Variants in DCC observed in about 807,000 individuals in gnomAD.
The protein encoded by DCC is DCC netrin 1 receptor.
In DCC, 58 loss-of-function variants were observed where a neutral mutation model predicts 172.5. The ratio of observed to expected loss-of-function variants is 0.34; its 90% confidence interval spans 0.27 to 0.42. DCC has a LOEUF of 0.42. DCC is among the 10% of genes least tolerant of loss of function. The pLI is 1.00. For missense variants in DCC, 1,740 were observed against 1,791.0 expected (o/e 0.97, Z 0.51); for synonymous variants, 709 against 644.5 (o/e 1.10, Z -1.52).
At chr18:52,945,333 A>G (rs1555685484) in intron 5 of DCC, among the ~76,000 whole-genome samples, 4 of 152,194 alleles carry the variant, frequency 2.6e-5, no homozygotes, top group Non-Finnish European at 5.9e-5. Flanking sequence ...TTTCTACACT[A>G]CACAAATTTA....
chr18:53,313,474 G>A (rs2057307447), intron 13 of DCC, among the ~76,000 whole-genome samples: 1 of 151,984 alleles, frequency 6.6e-6, no homozygotes, highest in African/African-American at 2.4e-5. Context: ...TGGAACTCCC[G>A]ACCTCAAGTG....
At chr18:52,708,165 G>A (rs2036239522) in intron 1 of DCC, among the ~76,000 whole-genome samples, 1 of 152,050 alleles carries the variant, frequency 6.6e-6, no homozygotes, top group Non-Finnish European at 1.5e-5. Flanking sequence ...ATTTTGGCTG[G>A]GCACAGTGGC....
intron 1 of DCC, among the ~76,000 whole-genome samples, chr18:52,743,359 C>G (rs1272255659): frequency 6.6e-6 from 1 of 152,166 alleles, no homozygotes; most frequent in Non-Finnish European, 1.5e-5. Context: ...AAACCCAGGG[C>G]AGATTAAGCA....
intron 1 of DCC, among the ~76,000 whole-genome samples, chr18:52,363,258 C>A (rs149711433): frequency 1.7e-4 from 26 of 152,254 alleles, no homozygotes; most frequent in Non-Finnish European, 2.8e-4. Flanking sequence ...TGTATTCAGA[C>A]CAGGTTCAGC....
intron 10 of DCC, among the ~76,000 whole-genome samples, chr18:53,206,350 TA>T (rs2055637026): frequency 4.4e-5 from 3 of 68,232 alleles, no homozygotes; most frequent in African/African-American, 1.7e-4. Context: ...TATATATGTA[TA>T]TATACATATA....
chr18:52,960,276 A>G (rs145114195), intron 5 of DCC, among the ~76,000 whole-genome samples: 1 of 152,078 alleles, frequency 6.6e-6, no homozygotes, highest in Non-Finnish European at 1.5e-5. Flanking sequence ...TCCCTGAAGG[A>G]TTTTCCTGTA....
chr18:52,619,006 C>T (rs951673016), intron 1 of DCC, among the ~76,000 whole-genome samples: 2 of 152,106 alleles, frequency 1.3e-5, no homozygotes, highest in East Asian at 1.9e-4. Flanking sequence ...GGCACAATCC[C>T]GGCTCACTGC....
chr18:52,644,900 A>T (rs373886694), intron 1 of DCC, among the ~76,000 whole-genome samples: 1 of 152,192 alleles, frequency 6.6e-6, no homozygotes. Flanking sequence ...GTTGCTTGAT[A>T]GACTACTCTA....
rs143020165 is a variant in DCC at position 52,730,396 on chromosome 18, G to A, written c.92-21658G>A. 3.6e-3 allele frequency among the ~76,000 whole-genome samples: 553 copies of A among 152,268 alleles called. 5 individuals are homozygous for A. The highest frequency in any genetic ancestry group is 6.8e-3 in the Middle Eastern group (2 of 294). On this transcript the variant is annotated intron_variant, in intron 1 of 28. Transcript: ENST00000442544. ...ATGGCCTAGGTGCATGAACTTTGAGGAATGCAACAGCTTACTTTGTTCTTC... is the reference window on the plus strand; with the variant it reads ...ATGGCCTAGGTGCATGAACTTTGAGAAATGCAACAGCTTACTTTGTTCTTC...
chr18:52,885,601 A>G (rs189166798), intron 2 of DCC, among the ~76,000 whole-genome samples: 51 of 152,194 alleles, frequency 3.4e-4, no homozygotes, highest in Non-Finnish European at 5.9e-5. Flanking sequence ...GCTATCCAAG[A>G]TTATATGCCT....
chr18:52,855,149 T>G (rs2145348656), intron 2 of DCC, among the ~76,000 whole-genome samples: 1 of 152,364 alleles, frequency 6.6e-6, no homozygotes, highest in East Asian at 1.9e-4. Flanking sequence ...TTCTCAGTTC[T>G]CCTGTCTCCC....
chr18:53,151,478 A>C (rs1434311905), intron 7 of DCC, among the ~76,000 whole-genome samples: 2 of 152,180 alleles, frequency 1.3e-5, no homozygotes, highest in Admixed American at 1.3e-4. Flanking sequence ...TATTCCATCA[A>C]TATTCATTAT....
intron 1 of DCC, among the ~76,000 whole-genome samples, chr18:52,731,754 A>T (rs4527117): frequency 0.44 from 66,162 of 151,958 alleles, 15,480 homozygotes; most frequent in East Asian, 0.77. Flanking sequence ...CCTTGTCTTC[A>T]CAGTGATAAT....
At chr18:52,941,486 TTG>T (rs74178695) in intron 5 of DCC, among the ~76,000 whole-genome samples, 41 of 149,580 alleles carry the variant, frequency 2.7e-4, no homozygotes, top group South Asian at 1.5e-3. Context: ...ATATACATGT[TTG>T]TGTGTGTGTG....
chr18:52,573,483 G>A (rs1252173917), intron 1 of DCC, among the ~76,000 whole-genome samples: 1 of 152,134 alleles, frequency 6.6e-6, no homozygotes, highest in African/African-American at 2.4e-5. Flanking sequence ...TTCTCACAAC[G>A]AAATTAAAAT....
At chr18:52,513,141 A>G (rs1215888081) in intron 1 of DCC, among the ~76,000 whole-genome samples, 3 of 152,202 alleles carry the variant, frequency 2.0e-5, no homozygotes, top group African/African-American at 4.8e-5. Context: ...TAGTTCTCCT[A>G]GGAAGAAATG....
intron 1 of DCC, among the ~76,000 whole-genome samples, chr18:52,668,757 T>C (rs969871092): frequency 6.6e-6 from 1 of 152,230 alleles, no homozygotes; most frequent in Non-Finnish European, 1.5e-5. Flanking sequence ...TGAAAGTTGA[T>C]GTTTCTGTAA....
chr18:52,984,075 G>A (rs2041253523), intron 5 of DCC, among the ~76,000 whole-genome samples: 1 of 152,060 alleles, frequency 6.6e-6, no homozygotes, highest in South Asian at 2.1e-4. Flanking sequence ...TTGTCAAAGT[G>A]TGTATGGCAC....
At chr18:52,859,189 G>A (rs1265443949) in intron 2 of DCC, among the ~76,000 whole-genome samples, 5 of 152,088 alleles carry the variant, frequency 3.3e-5, no homozygotes, top group African/African-American at 7.2e-5. Context: ...TAATGTGGCT[G>A]TCCCTAAGAT....
Sources: gnomAD v4.1 joint callset for allele counts (sites outside exome capture counted in the v4.1 genomes callset) on GRCh38, gnomAD v4.1.1 for gene constraint, MANE v1.5 for transcripts, NCBI Gene and HGNC (gene_info 2026-07-23, HGNC 2026-07-21) for gene names.